SEMA3A: variants seen among roughly 807,000 people sequenced by gnomAD.
SEMA3A encodes the protein semaphorin-3A.
SEMA3A carries 29 observed loss-of-function variants against 97.9 expected under a neutral mutation model. The observed-to-expected ratio is 0.30, with a 90% CI of 0.22 to 0.40. The LOEUF is 0.40. SEMA3A is among the 10% of genes least tolerant of loss of function. The pLI is 1.00. For missense variants in SEMA3A, 763 were observed against 951.3 expected, an observed-to-expected ratio of 0.80 and a Z score of 2.60; for synonymous variants, 321 against 323.7, an observed-to-expected ratio of 0.99 and a Z score of 0.09.
intron 4 of SEMA3A, among the ~76,000 whole-genome samples, chr7:84,063,823 G>C (rs937975840): frequency 8.0e-5 from 12 of 149,226 alleles, no homozygotes; most frequent in African/African-American, 2.5e-4. Context: ...GGGGAGAATG[G>C]AACCAAGTTG....
rs1353166641 is a variant in SEMA3A, at chr7:84,321,893, AAAAAAAG to A, written c.-168-14608_-168-14602del. ...TACGGAAAAAAAAAAAAAAAAAAAA[AAAAAAAG>A]AAGAAGAAGAAGGAGGAAATACCTG... On this transcript the variant is annotated intron_variant, in intron 2 of 3. Transcript: ENST00000424555. Among the ~76,000 whole-genome samples the A allele has an allele frequency of 1.1e-3, 136 of 120,308 alleles. 6 individuals carry two copies. The highest frequency in any genetic ancestry group is 6.0e-3 in the East Asian group (20 of 3,360). The allele number at this position is 120,308 out of a possible 152,430, so 78.9% of individuals were successfully genotyped here.
At chr7:84,151,218 C>G (rs1416176155) in intron 1 of SEMA3A, among the ~76,000 whole-genome samples, 1 of 152,044 alleles carries the variant, frequency 6.6e-6, no homozygotes, top group Non-Finnish European at 1.5e-5. Flanking sequence ...TCCTCACCAG[C>G]AACGGAACTA....
chr7:84,214,751 T>C (rs1258233094), intron 3 of SEMA3A, among the ~76,000 whole-genome samples: 1 of 149,210 alleles, frequency 6.7e-6, no homozygotes, highest in Admixed American at 6.8e-5. Flanking sequence ...CAGGCTGGAG[T>C]GCAGTGGTGT....
chr7:84,317,316 G>C (rs1183559714), intron 2 of SEMA3A, among the ~76,000 whole-genome samples: 2 of 152,094 alleles, frequency 1.3e-5, no homozygotes, highest in African/African-American at 4.8e-5. Flanking sequence ...ACAGATAAAA[G>C]TACTGTGTGT....
chr7:84,432,949 T>C (rs556568468), intron 1 of SEMA3A, among the ~76,000 whole-genome samples: 10 of 151,928 alleles, frequency 6.6e-5, no homozygotes, highest in Non-Finnish European at 1.5e-4. Flanking sequence ...AGTTCTGCTT[T>C]AAGTTATTTG....
At chr7:84,012,470 AC>A (rs1441629847) in intron 7 of SEMA3A, among the ~76,000 whole-genome samples, 11 of 152,164 alleles carry the variant, frequency 7.2e-5, no homozygotes, top group Non-Finnish European at 1.0e-4. Flanking sequence ...TAGAGATCTA[AC>A]CTACATAGGC....
chr7:84,054,750 A>G (rs980076983), intron 5 of SEMA3A, among the ~76,000 whole-genome samples: 41 of 146,948 alleles, frequency 2.8e-4, no homozygotes, highest in East Asian at 6.0e-4. Flanking sequence ...CTGGTGAGGA[A>G]CTGCGTTCCT....
intron 3 of SEMA3A, among the ~76,000 whole-genome samples, chr7:84,235,974 C>T (rs1175872923): frequency 3.3e-5 from 5 of 152,130 alleles, no homozygotes; most frequent in Non-Finnish European, 7.4e-5. Flanking sequence ...CCCACAACTT[C>T]AAGTATCAAC....
chr7:84,128,269 A>C, intron 3 of SEMA3A, among the ~76,000 whole-genome samples: 1 of 152,112 alleles, frequency 6.6e-6, no homozygotes, highest in East Asian at 1.9e-4. Flanking sequence ...GAGAGGAAGA[A>C]AGAAAGGATG....
intron 2 of SEMA3A, among the ~76,000 whole-genome samples, chr7:84,353,133 G>GTTATGTAAATAGTT (rs1381483600): frequency 6.6e-6 from 1 of 151,672 alleles, no homozygotes; most frequent in Admixed American, 6.6e-5. Context: ...TAATGTAAAT[G>GTTATGTAAATAGTT]TTATGTAAAT....
intron 2 of SEMA3A, among the ~76,000 whole-genome samples, chr7:84,325,290 C>T (rs952394190): frequency 3.9e-5 from 6 of 151,998 alleles, no homozygotes; most frequent in Non-Finnish European, 5.9e-5. Context: ...AATAGACAAT[C>T]AACTAATCAA....
At chr7:84,243,432 G>A (rs113453024) in intron 3 of SEMA3A, among the ~76,000 whole-genome samples, 17 of 152,250 alleles carry the variant, frequency 1.1e-4, no homozygotes, top group African/African-American at 1.7e-4. Flanking sequence ...GTTTATTTGC[G>A]TAGAGGTGTT....
At chr7:83,996,433 G>C (rs1790223084) in intron 12 of SEMA3A, among the ~76,000 whole-genome samples, 1 of 151,374 alleles carries the variant, frequency 6.6e-6, no homozygotes, top group Non-Finnish European at 1.5e-5. Context: ...CTCCTGAGTA[G>C]CTGGGATTAC....
chr7:84,133,078 A>G (rs1796013963), intron 2 of SEMA3A, among the ~76,000 whole-genome samples: 2 of 152,230 alleles, frequency 1.3e-5, no homozygotes, highest in African/African-American at 4.8e-5. Flanking sequence ...AATACTTATC[A>G]TTTCAGAAAA....
chr7:84,131,675 T>C (rs1041869057), intron 2 of SEMA3A, among the ~76,000 whole-genome samples: 1 of 152,190 alleles, frequency 6.6e-6, no homozygotes, highest in African/African-American at 2.4e-5. Flanking sequence ...TCCTGTAGTG[T>C]TCATCACAAT....
At chr7:84,407,711 A>G (rs1203239099) in intron 1 of SEMA3A, among the ~76,000 whole-genome samples, 4 of 152,156 alleles carry the variant, frequency 2.6e-5, no homozygotes, top group Non-Finnish European at 5.9e-5. Flanking sequence ...GACCAATGGA[A>G]CAGAATAGAG....
chr7:84,085,641 TA>T (rs759874036), intron 4 of SEMA3A, among the ~76,000 whole-genome samples: 2 of 152,178 alleles, frequency 1.3e-5, no homozygotes, highest in Non-Finnish European at 2.9e-5. Context: ...AACATGGAAT[TA>T]ATTTGTTGAA....
At chr7:84,259,026 A>T (rs2115650607) in intron 3 of SEMA3A, among the ~76,000 whole-genome samples, 1 of 151,970 alleles carries the variant, frequency 6.6e-6, no homozygotes, top group Non-Finnish European at 1.5e-5. Flanking sequence ...AGGATATCTT[A>T]TGCTGGTCTT....
intron 6 of SEMA3A, among the ~76,000 whole-genome samples, chr7:84,021,150 T>A (rs550034472): frequency 2.6e-5 from 4 of 152,286 alleles, no homozygotes; most frequent in Non-Finnish European, 5.9e-5. Flanking sequence ...CTAATATGCA[T>A]TAACTAACCT....
Sources: allele counts gnomAD v4.1 joint callset (sites outside exome capture counted in the v4.1 genomes callset), GRCh38; gene constraint gnomAD v4.1.1; transcripts MANE v1.5; gene names NCBI Gene and HGNC (gene_info 2026-07-23, HGNC 2026-07-21).